The following ADAMTS6 variants were observed in gnomAD, a reference collection of about 807,000 sequenced individuals.
ADAMTS6 encodes A disintegrin and metalloproteinase with thrombospondin motifs 6.
ADAMTS6 carries 23 observed loss-of-function variants against 144.3 expected under a neutral mutation model. The observed-to-expected ratio is 0.16, with a 90% confidence interval of 0.11 to 0.23. The LOEUF is 0.23. Ranked by LOEUF, ADAMTS6 falls within the 10% of genes least tolerant of loss-of-function variation. The pLI is 1.00. For missense variants in ADAMTS6, 999 were observed against 1,379.6 expected, an observed-to-expected ratio of 0.72 and a Z score of 4.37; for synonymous variants, 444 against 457.5, an observed-to-expected ratio of 0.97 and a Z score of 0.38.
intron 7 of ADAMTS6, among the ~76,000 whole-genome samples, chr5:65,410,879 C>A (rs1311488985): frequency 6.6e-6 from 1 of 152,130 alleles, no homozygotes; most frequent in Non-Finnish European, 1.5e-5. Context: ...ATTCTGTCAC[C>A]CAGGCTAGAG....
chr5:65,447,607 G>T (rs968563803), intron 7 of ADAMTS6, among the ~76,000 whole-genome samples: 3 of 151,976 alleles, frequency 2.0e-5, no homozygotes, highest in African/African-American at 7.2e-5. Flanking sequence ...AGAGTGTCAA[G>T]TAAAGAATAT....
intron 7 of ADAMTS6, among the ~76,000 whole-genome samples, chr5:65,390,514 A>G (rs1752826086): frequency 6.6e-6 from 1 of 152,216 alleles, no homozygotes; most frequent in African/African-American, 2.4e-5. Context: ...TCAGGCAACT[A>G]TTTTCATGAG....
chr5:65,219,692 G>A (rs1023341751), intron 18 of ADAMTS6, among the ~76,000 whole-genome samples: 1 of 152,124 alleles, frequency 6.6e-6, no homozygotes, highest in East Asian at 1.9e-4. Flanking sequence ...ACAGGCATGT[G>A]CCACCATGCC....
At chr5:65,451,287 T>C in intron 7 of ADAMTS6, 188 bp downstream of exon 7, 1 of 535,564 alleles carries the variant, frequency 1.9e-6, no homozygotes. Context: ...ATTTTCTTTT[T>C]TCTTATTTGG....
At chr5:65,179,321 G>A (rs1754185831) in intron 22 of ADAMTS6, among the ~76,000 whole-genome samples, 1 of 152,108 alleles carries the variant, frequency 6.6e-6, no homozygotes, top group African/African-American at 2.4e-5. Flanking sequence ...AAGGTATGTA[G>A]CCCAGGAAAT....
At chr5:65,163,183 T>A (rs1752895094) in intron 24 of ADAMTS6, among the ~76,000 whole-genome samples, 1 of 151,994 alleles carries the variant, frequency 6.6e-6, no homozygotes, top group Admixed American at 6.6e-5. Context: ...AGTGCTGAGA[T>A]TACAGATGTG....
At chr5:65,262,703 G>A (rs1434725710) in intron 13 of ADAMTS6, 114 bp downstream of exon 13, 2 of 1,269,874 alleles carry the variant, frequency 1.6e-6, no homozygotes, top group East Asian at 2.9e-5. Flanking sequence ...TTGTTCTGAA[G>A]ACAAGTACTT....
chr5:65,435,653 T>A (rs1222760703), intron 7 of ADAMTS6, among the ~76,000 whole-genome samples: 1 of 151,278 alleles, frequency 6.6e-6, no homozygotes, highest in Non-Finnish European at 1.5e-5. Context: ...TGAGACAGAG[T>A]CTTGCTCCAT....
chr5:65,313,376 TCCA>T (rs1417719864), intron 9 of ADAMTS6, among the ~76,000 whole-genome samples: 1 of 152,090 alleles, frequency 6.6e-6, no homozygotes, highest in Non-Finnish European at 1.5e-5. Flanking sequence ...TGTGAATATG[TCCA>T]CATTATGTGA....
At chr5:65,411,229 T>C (rs1010751324) in intron 7 of ADAMTS6, among the ~76,000 whole-genome samples, 5 of 152,194 alleles carry the variant, frequency 3.3e-5, no homozygotes, top group Non-Finnish European at 7.3e-5. Context: ...TGAGTTTGAT[T>C]TGCTGTGCTG....
intron 7 of ADAMTS6, among the ~76,000 whole-genome samples, chr5:65,421,689 C>T (rs1416048094): frequency 6.6e-6 from 1 of 152,076 alleles, no homozygotes; most frequent in Non-Finnish European, 1.5e-5. Context: ...AAGCCAAATA[C>T]TTAAAACCAA....
chr5:65,209,455 C>T (rs1164884010), intron 20 of ADAMTS6, among the ~76,000 whole-genome samples: 4 of 152,146 alleles, frequency 2.6e-5, no homozygotes, highest in Non-Finnish European at 1.5e-5. Context: ...GACAACACCC[C>T]ATAGCATCTC....
At chr5:65,452,477 A>AAC (rs2150250414) in intron 5 of ADAMTS6, among the ~76,000 whole-genome samples, 1 of 150,930 alleles carries the variant, frequency 6.6e-6, no homozygotes, top group Non-Finnish European at 1.5e-5. Context: ...AAAAAAAAAA[A>AAC]CCCTTAAACA....
intron 7 of ADAMTS6, among the ~76,000 whole-genome samples, chr5:65,367,290 C>T (rs1254847626): frequency 6.6e-6 from 1 of 152,050 alleles, no homozygotes; most frequent in Admixed American, 6.5e-5. Context: ...CTTAAAAGAG[C>T]ATTCTTTATC....
chr5:65,281,395 G>A (rs908251096), intron 11 of ADAMTS6, among the ~76,000 whole-genome samples: 3 of 151,910 alleles, frequency 2.0e-5, no homozygotes, highest in Non-Finnish European at 4.4e-5. Context: ...TGATTTTAAC[G>A]GACAATATCT....
chr5:65,370,564 C>T (rs558377233), intron 7 of ADAMTS6, among the ~76,000 whole-genome samples: 3 of 152,180 alleles, frequency 2.0e-5, no homozygotes, highest in Non-Finnish European at 2.9e-5. Context: ...CGCGCTTTTC[C>T]GACGGGCTTA....
At chr5:65,170,803 A>G in intron 23 of ADAMTS6, 30 bp from the exon 24 acceptor site, 2 of 1,594,672 alleles carry the variant, frequency 1.3e-6, no homozygotes, top group Non-Finnish European at 1.7e-6. Context: ...GAAACAAAAT[A>G]TTAATCTCAA....
intron 14 of ADAMTS6, among the ~76,000 whole-genome samples, chr5:65,244,776 G>A (rs903395835): frequency 6.6e-6 from 1 of 152,058 alleles, no homozygotes; most frequent in Non-Finnish European, 1.5e-5. Flanking sequence ...ATAAGTGTGG[G>A]AGTCTCCTCT....
At chr5:65,196,781 T>C (rs748771489) in intron 21 of ADAMTS6, among the ~76,000 whole-genome samples, 5 of 152,140 alleles carry the variant, frequency 3.3e-5, no homozygotes, top group Non-Finnish European at 5.9e-5. Flanking sequence ...ATTTCCAGCA[T>C]TGTGTCAGAA....
Sources: gnomAD v4.1 joint callset for allele counts (sites outside exome capture counted in the v4.1 genomes callset) on GRCh38, gnomAD v4.1.1 for gene constraint, MANE v1.5 for transcripts, NCBI Gene and HGNC (gene_info 2026-07-23, HGNC 2026-07-21) for gene names.